The following STAM variants were observed in gnomAD, a reference collection of about 807,000 sequenced individuals.
STAM encodes the protein signal transducing adaptor molecule.
A neutral mutation model predicts 63.4 loss-of-function variants in STAM; 16 were observed. The ratio of observed to expected loss-of-function variants is 0.25; its 90% confidence interval spans 0.17 to 0.38. The LOEUF (loss-of-function observed/expected upper bound fraction) is 0.38. Ranked by LOEUF, STAM falls within the 10% of genes least tolerant of loss-of-function variation. The pLI, the probability that STAM is intolerant of heterozygous loss-of-function variation, is 1.00. For synonymous variants in STAM, 238 were observed against 223.9 expected (o/e 1.06, Z -0.56); for missense variants, 636 against 657.1 (o/e 0.97, Z 0.35).
chr10:17,676,658 A>T (rs532091744), intron 2 of STAM, among the ~76,000 whole-genome samples: 1 of 152,224 alleles, frequency 6.6e-6, no homozygotes, highest in Admixed American at 6.5e-5. Flanking sequence ...GGACAATTGT[A>T]GTTTATGCCT....
chr10:17,684,559 T>G (rs1835216808), intron 2 of STAM, 116 bp from the exon 3 acceptor site: 1 of 696,342 alleles, frequency 1.4e-6, no homozygotes, highest in Non-Finnish European at 2.2e-6. Context: ...AAAAATTAAA[T>G]TTCCCTACTT....
Position 17,693,290 on chromosome 10 carries a change from A to C in STAM, c.513A>C (p.Lys171Asn). Residue 171 changes from lysine (K) to asparagine (N), a missense_variant, in exon 6 of 14, where the codon AAA becomes AAC. By Grantham distance (94) the Lys-to-Asn change is moderately conservative (BLOSUM62 0). This residue lies in a region of STAM where 532 missense variants were observed against 536.9 expected (regional missense o/e 0.99). Coordinates refer to ENST00000377524, the MANE Select transcript of STAM (RefSeq NM_003473.4). ...AKDPGTVANK[K>N]EEEDLAKAIE... ...ATCCTGGTACTGTGGCTAACAAAAA[A>C]GAAGAAGAAGATTTAGCAAAAGGTG... The C allele has an allele frequency of 6.2e-7, 1 of 1,611,498 alleles. No homozygotes were observed. The highest frequency in any genetic ancestry group is 8.5e-7 in the Non-Finnish European group (1 of 1,179,356).
At chr10:17,671,793 A>G (rs1834649670) in intron 2 of STAM, among the ~76,000 whole-genome samples, 1 of 152,150 alleles carries the variant, frequency 6.6e-6, no homozygotes. Context: ...CAATACTTTT[A>G]GGCAAATACC....
At chr10:17,695,378 A>G in intron 7 of STAM, 137 bp downstream of exon 7, 1 of 746,922 alleles carries the variant, frequency 1.3e-6, no homozygotes, top group Non-Finnish European at 2.0e-6. Flanking sequence ...CAGTTGGCTG[A>G]TTTGCTTGTG....
chr10:17,681,216 A>G (rs1190874905), intron 2 of STAM, among the ~76,000 whole-genome samples: 1 of 87,244 alleles, frequency 1.1e-5, no homozygotes, highest in African/African-American at 4.5e-5. Context: ...TTTTTTTTTT[A>G]ATGTAGGTGC....
intron 1 of STAM, among the ~76,000 whole-genome samples, chr10:17,651,672 A>G (rs531533298): frequency 1.4e-3 from 207 of 152,278 alleles, no homozygotes; most frequent in African/African-American, 4.7e-3. Context: ...TGGTTAGCAG[A>G]GCTTCAGATT....
chr10:17,664,116 G>C (rs1293387987), intron 2 of STAM, among the ~76,000 whole-genome samples: 1 of 151,806 alleles, frequency 6.6e-6, no homozygotes, highest in Non-Finnish European at 1.5e-5. Flanking sequence ...AAATTATTGT[G>C]AGTCCTAGGC....
intron 6 of STAM, among the ~76,000 whole-genome samples, chr10:17,693,521 C>T (rs979100601): frequency 6.6e-6 from 1 of 152,104 alleles, no homozygotes; most frequent in Non-Finnish European, 1.5e-5. Flanking sequence ...TTTACTATAC[C>T]GTGTATCCAA....
At chr10:17,683,357 TC>T (rs1411194150) in intron 2 of STAM, among the ~76,000 whole-genome samples, 1 of 152,118 alleles carries the variant, frequency 6.6e-6, no homozygotes, top group Non-Finnish European at 1.5e-5. Context: ...AGATAGGGTT[TC>T]ACAGTGTTGC....
At chr10:17,687,380 A>G (rs1172692701) in intron 4 of STAM, among the ~76,000 whole-genome samples, 2 of 152,192 alleles carry the variant, frequency 1.3e-5, no homozygotes, top group East Asian at 3.9e-4. Flanking sequence ...TTGACACAAG[A>G]GAATCGCTTG....
At chr10:17,646,767 CAT>C (rs1177416342) in intron 1 of STAM, among the ~76,000 whole-genome samples, 4 of 152,172 alleles carry the variant, frequency 2.6e-5, no homozygotes, top group African/African-American at 9.7e-5. Flanking sequence ...CCAGTAGACT[CAT>C]ATTATTTTTT....
chr10:17,666,944 G>A (rs1056294869), intron 2 of STAM, among the ~76,000 whole-genome samples: 12 of 151,964 alleles, frequency 7.9e-5, no homozygotes, highest in South Asian at 2.1e-4. Context: ...AAGAATAATC[G>A]TCACTTATTG....
intron 8 of STAM, among the ~76,000 whole-genome samples, chr10:17,698,420 T>A (rs1375684837): frequency 1.3e-5 from 2 of 148,476 alleles, no homozygotes; most frequent in Non-Finnish European, 3.0e-5. Context: ...AGCCATTTCA[T>A]CTTTTTTTTT....
rs1163959144 is a variant in STAM at position 17,649,054 on chromosome 10, G to A, written c.40+4675G>A. On this transcript the variant is annotated intron_variant, in intron 1 of 13. Transcript: ENST00000377524. Reference sequence around the variant, plus strand: ...CTGGATATTCATCACACCCATTCAGGACTCTGTTCAAACGTCATTTTCTGA... The same window carrying A: ...CTGGATATTCATCACACCCATTCAGAACTCTGTTCAAACGTCATTTTCTGA... 2.0e-5 allele frequency among the ~76,000 whole-genome samples: 3 copies of A among 152,112 alleles called. No individual in the cohort carries two copies. The East Asian group carries it at 5.8e-4, about 29-fold the overall frequency.
At chr10:17,706,437 G>A (rs1836280293) in intron 12 of STAM, among the ~76,000 whole-genome samples, 1 of 134,730 alleles carries the variant, frequency 7.4e-6, no homozygotes, top group Admixed American at 8.7e-5. Flanking sequence ...GGAGTGCAGT[G>A]CTGCAATCTC....
intron 9 of STAM, 150 bp downstream of exon 9, chr10:17,700,429 T>A (rs1432696545): frequency 5.6e-6 from 3 of 539,616 alleles, no homozygotes; most frequent in African/African-American, 4.0e-5. Context: ...CGATGCAGAC[T>A]GTTTTTTGAA....
chr10:17,676,607 C>T (rs1834866523), intron 2 of STAM, among the ~76,000 whole-genome samples: 1 of 152,130 alleles, frequency 6.6e-6, no homozygotes, highest in Non-Finnish European at 1.5e-5. Flanking sequence ...TGTGGATGAA[C>T]ATAGTTTTGG....
At chr10:17,655,629 A>G (rs549751681) in intron 1 of STAM, among the ~76,000 whole-genome samples, 1 of 152,330 alleles carries the variant, frequency 6.6e-6, no homozygotes, top group Non-Finnish European at 1.5e-5. Context: ...TAGTAGGTCA[A>G]AATGAGGAAA....
Position 17,716,205 on chromosome 10 carries a change from T to C in STAM, c.*1425T>C, listed in dbSNP as rs1836809137. Among the ~76,000 whole-genome samples the C allele has an allele frequency of 6.6e-6, 1 of 152,148 alleles. No homozygotes were observed. Among genetic ancestry groups the C allele is most frequent in the African/African-American group, 2.4e-5 (1 of 41,448 alleles). ...TATTTAATGAATTGATGTAACAGGT[T>C]TCATACTATAAATGAAAATTTCATT... is the stretch of plus-strand genomic sequence containing the variant. On this transcript the variant is annotated 3_prime_UTR_variant, in exon 14 of 14. Transcript: ENST00000377524.
Sources: gnomAD v4.1 joint callset for allele counts (sites outside exome capture counted in the v4.1 genomes callset) on GRCh38, gnomAD v4.1.1 for gene constraint, gnomAD v4.1.1 regional missense constraint, MANE v1.5 for transcripts, NCBI Gene and HGNC (gene_info 2026-07-23, HGNC 2026-07-21) for gene names.